The following P2RY14 variants were observed in gnomAD, a reference collection of about 807,000 sequenced individuals.
P2RY14 encodes P2Y purinoceptor 14.
In P2RY14, 2 loss-of-function variants were observed where a neutral mutation model predicts 0.9. The observed-to-expected ratio is 2.16, with a 90% CI of 0.88 to 6.79. P2RY14 has a LOEUF of 6.79. P2RY14 is among the 30% of genes most tolerant of loss of function. The probability of loss-of-function intolerance (pLI) is 0.05; values close to 1 mark genes in which losing one functional copy is unlikely to be tolerated. For synonymous variants in P2RY14, 158 were observed against 147.2 expected (o/e 1.07, Z -0.53); for missense variants, 378 against 400.1 (o/e 0.94, Z 0.47).
At chr3:151,223,671 C>T (rs1729871471) in intron 1 of P2RY14, among the ~76,000 whole-genome samples, 1 of 152,120 alleles carries the variant, frequency 6.6e-6, no homozygotes, top group South Asian at 2.1e-4. Flanking sequence ...GAACAGTAGA[C>T]ACTGGAGACT....
At chr3:151,236,592 C>A (rs1732868275) in intron 1 of P2RY14, among the ~76,000 whole-genome samples, 1 of 152,122 alleles carries the variant, frequency 6.6e-6, no homozygotes, top group Non-Finnish European at 1.5e-5. Context: ...TACTTTTATT[C>A]CACATTACCT....
At position 151,213,640 on chromosome 3, in the gene P2RY14, G is replaced by C. The variant is rs779580436; in HGVS notation, c.677C>G (p.Ser226Trp). The C allele has an allele frequency of 6.2e-7, 1 of 1,614,092 alleles. No homozygotes were observed. The highest frequency in any genetic ancestry group is 1.7e-5 in the Admixed American group (1 of 60,026). ...GTTGCGGCTAGATTTCTTTTTGACC[G>C]AAGTGGAATTCCGACTTGACTTAAG... ...SHLKSSRNST[S>W]VKKKSSRNIF... The change falls in exon 3 of 3, where the codon TCG (serine) becomes TGG (tryptophan). Residue 226 changes from serine to tryptophan, a missense_variant. Physicochemically the swap from Ser to Trp is radical, Grantham distance 177. Coordinates refer to ENST00000309170, the MANE Select transcript of P2RY14 (RefSeq NM_014879.4).
At chr3:151,245,679 A>C (rs2149410988) in intron 1 of P2RY14, among the ~76,000 whole-genome samples, 2 of 125,478 alleles carry the variant, frequency 1.6e-5, no homozygotes, top group South Asian at 6.0e-4. Context: ...AATGGGCAAA[A>C]ACTGGAAGCA....
chr3:151,267,065 T>C (rs1156641694), intron 1 of P2RY14, among the ~76,000 whole-genome samples: 1 of 152,228 alleles, frequency 6.6e-6, no homozygotes, highest in African/African-American at 2.4e-5. Flanking sequence ...TAAAATTGTC[T>C]GGGCAGCTCA....
intron 1 of P2RY14, among the ~76,000 whole-genome samples, chr3:151,265,203 A>T (rs1739606158): frequency 6.6e-6 from 1 of 152,210 alleles, no homozygotes; most frequent in African/African-American, 2.4e-5. Flanking sequence ...CCAAAGACGG[A>T]ATAAACAAAG....
chr3:151,223,714 G>T (rs1729888361), intron 1 of P2RY14, among the ~76,000 whole-genome samples: 1 of 152,210 alleles, frequency 6.6e-6, no homozygotes, highest in South Asian at 2.1e-4. Flanking sequence ...CGGGGAAATG[G>T]TGGAAAAACT....
rs371628020 is a variant in P2RY14, at chr3:151,253,393, T to C, written c.-133+24894A>G. ...CAGCAGCATAAGATACACATTTTAA[T>C]ATGGCTTAGATCATGTTCATTTCCA... On this transcript the variant is annotated intron_variant, in intron 1 of 2. Coordinates refer to ENST00000309170, the MANE Select transcript of P2RY14 (RefSeq NM_014879.4). 2.0e-4 allele frequency among the ~76,000 whole-genome samples: 30 copies of C among 152,366 alleles called. No homozygotes were observed. In the East Asian group the frequency reaches 2.7e-3, roughly 14 times the overall value.
At chr3:151,254,593 C>T (rs561634142) in intron 1 of P2RY14, among the ~76,000 whole-genome samples, 4 of 152,248 alleles carry the variant, frequency 2.6e-5, no homozygotes, top group African/African-American at 4.8e-5. Flanking sequence ...CTTAGCTATA[C>T]GTGTATGTGT....
chr3:151,248,001 T>A (rs1222234990), intron 1 of P2RY14, among the ~76,000 whole-genome samples: 1 of 137,792 alleles, frequency 7.3e-6, no homozygotes, highest in Non-Finnish European at 1.5e-5. Flanking sequence ...AGAAATAATC[T>A]GGAGTAGATT....
At chr3:151,250,070 G>A (rs989079630) in intron 1 of P2RY14, among the ~76,000 whole-genome samples, 6 of 152,026 alleles carry the variant, frequency 3.9e-5, no homozygotes, top group Non-Finnish European at 8.8e-5. Flanking sequence ...TCATCCAGTC[G>A]GTACCTTTAT....
chr3:151,218,233 C>G (rs987173628), intron 2 of P2RY14, among the ~76,000 whole-genome samples: 1 of 152,198 alleles, frequency 6.6e-6, no homozygotes, highest in Admixed American at 6.5e-5. Flanking sequence ...GCAACCCTCC[C>G]TTCCCTGCCC....
intron 1 of P2RY14, among the ~76,000 whole-genome samples, chr3:151,253,762 CTCA>C (rs1737277920): frequency 1.3e-5 from 2 of 152,042 alleles, no homozygotes; most frequent in Admixed American, 1.3e-4. Flanking sequence ...TGCAGCCTCT[CTCA>C]TCCATATTGC....
At chr3:151,232,917 A>T (rs530959458) in intron 1 of P2RY14, among the ~76,000 whole-genome samples, 84 of 152,320 alleles carry the variant, frequency 5.5e-4, no homozygotes, top group African/African-American at 1.9e-3. Context: ...GTACCCTTGA[A>T]ACTAAATTTT....
chr3:151,246,208 T>C (rs1242874877), intron 1 of P2RY14, among the ~76,000 whole-genome samples: 8 of 152,184 alleles, frequency 5.3e-5, no homozygotes, highest in Non-Finnish European at 1.0e-4. Flanking sequence ...AGGTAATTTA[T>C]AGATTCAATG....
At chr3:151,241,139 T>C (rs1245335765) in intron 1 of P2RY14, among the ~76,000 whole-genome samples, 2 of 152,214 alleles carry the variant, frequency 1.3e-5, no homozygotes, top group African/African-American at 2.4e-5. Flanking sequence ...ATAAAAATTA[T>C]GTAAAATATC....
chr3:151,245,956 A>G (rs1226876161), intron 1 of P2RY14, among the ~76,000 whole-genome samples: 2 of 151,338 alleles, frequency 1.3e-5, no homozygotes, highest in Admixed American at 1.3e-4. Flanking sequence ...AAAAATCACA[A>G]GCATTCTTAT....
intron 2 of P2RY14, among the ~76,000 whole-genome samples, chr3:151,214,878 T>C (rs1727888446): frequency 6.6e-6 from 1 of 152,208 alleles, no homozygotes. Flanking sequence ...GTAATGTATT[T>C]TTTTAAAACC....
chr3:151,269,431 ACACACACAC>A (rs1740459385), intron 1 of P2RY14: 3 of 223,640 alleles, frequency 1.3e-5, no homozygotes, highest in Admixed American at 5.8e-5. Flanking sequence ...ACACACACAC[ACACACACAC>A]AAAATTCAGA....
At chr3:151,241,349 G>A (rs547946253) in intron 1 of P2RY14, among the ~76,000 whole-genome samples, 59 of 152,292 alleles carry the variant, frequency 3.9e-4, no homozygotes, top group African/African-American at 1.4e-3. Flanking sequence ...CAAAAGGCAA[G>A]TAAGCCTAGA....
Sources: allele counts gnomAD v4.1 joint callset (sites outside exome capture counted in the v4.1 genomes callset), GRCh38; gene constraint gnomAD v4.1.1; transcripts MANE v1.5; gene names NCBI Gene and HGNC (gene_info 2026-07-23, HGNC 2026-07-21).